NEDD4L: variants seen among roughly 807,000 people sequenced by gnomAD.
NEDD4L encodes NEDD4 like E3 ubiquitin protein ligase.
NEDD4L carries 54 observed loss-of-function variants against 148.9 expected under a neutral mutation model. The observed-to-expected ratio is 0.36, with a 90% CI of 0.29 to 0.45. The LOEUF (loss-of-function observed/expected upper bound fraction) is 0.45. Among genes scored for constraint, NEDD4L ranks in the 20% least tolerant of loss-of-function variants. NEDD4L has a pLI of 1.00. For missense variants in NEDD4L, 856 were observed against 1,233.8 expected (o/e 0.69, Z 4.59); for synonymous variants, 433 against 440.7 (o/e 0.98, Z 0.22).
chr18:58,221,497 CAACAAGCATTTCTTTCT>C, intron 2 of NEDD4L: 5 of 967,004 alleles, frequency 5.2e-6, no homozygotes, highest in Non-Finnish European at 6.1e-6. Flanking sequence ...CCTTTTCCAC[CAACAAGCATTTCTTTCT>C]ACCTGTCATT....
chr18:58,110,314 G>A (rs1369249930), intron 1 of NEDD4L, among the ~76,000 whole-genome samples: 1 of 152,198 alleles, frequency 6.6e-6, no homozygotes, highest in Admixed American at 6.5e-5. Context: ...TAAAGACTTG[G>A]CCCTGAAGAA....
chr18:58,114,201 G>C (rs148052628), intron 1 of NEDD4L, among the ~76,000 whole-genome samples: 1 of 152,100 alleles, frequency 6.6e-6, no homozygotes, highest in African/African-American at 2.4e-5. Context: ...ATTAGAAAAC[G>C]TGCTTTCACA....
At chr18:58,368,258 T>C (rs2046368869) in intron 22 of NEDD4L, among the ~76,000 whole-genome samples, 1 of 151,992 alleles carries the variant, frequency 6.6e-6, no homozygotes, top group Admixed American at 6.6e-5. Context: ...AAATTATTTT[T>C]TAATTTGAAG....
chr18:58,349,679 A>G, intron 17 of NEDD4L, 65 bp downstream of exon 17: 2 of 1,278,108 alleles, frequency 1.6e-6, no homozygotes, highest in Non-Finnish European at 2.3e-6. Flanking sequence ...CTCAATGTTG[A>G]TGGAGAGGCC....
chr18:58,316,131 G>A, intron 6 of NEDD4L, 99 bp downstream of exon 6: 1 of 984,170 alleles, frequency 1.0e-6, no homozygotes, highest in East Asian at 2.4e-5. Flanking sequence ...TCACCACGGT[G>A]AAGAAGGCTG....
intron 2 of NEDD4L, among the ~76,000 whole-genome samples, chr18:58,171,921 G>A (rs2037555037): frequency 6.6e-6 from 1 of 152,208 alleles, no homozygotes; most frequent in South Asian, 2.1e-4. Context: ...GAGATGGCAG[G>A]CAAGGAACAG....
chr18:58,307,146 C>T (rs907619324), intron 5 of NEDD4L, among the ~76,000 whole-genome samples: 1 of 152,064 alleles, frequency 6.6e-6, no homozygotes, highest in Non-Finnish European at 1.5e-5. Flanking sequence ...GGAAATGGCT[C>T]CCCGGGAGAG....
At chr18:58,377,009 C>T (rs1191896884) in intron 24 of NEDD4L, among the ~76,000 whole-genome samples, 2 of 152,252 alleles carry the variant, frequency 1.3e-5, no homozygotes, top group Non-Finnish European at 2.9e-5. Context: ...CCATGCCTGC[C>T]CTGTGGCATG....
chr18:58,371,274 C>T (rs926338748), intron 23 of NEDD4L, among the ~76,000 whole-genome samples: 5 of 140,886 alleles, frequency 3.5e-5, no homozygotes, highest in African/African-American at 1.1e-4. Context: ...AGGATGGTCT[C>T]GATCTCCTGA....
chr18:58,391,533 T>C lies in NEDD4L; in HGVS notation c.2799T>C (p.Pro933=). Residue 933 remains proline, a synonymous_variant, in exon 30 of 31, where the codon CCT becomes CCC. Transcript: ENST00000400345. ...TTACAATAGAGCAATGGGGCAGTCCTGAGAAACTGCCCAGAGCTCACACAT... is the reference window on the plus strand; with the variant it reads ...TTACAATAGAGCAATGGGGCAGTCCCGAGAAACTGCCCAGAGCTCACACAT... The part of the protein sequence containing the change: ...QLFTIEQWGS[P]EKLPRAHTCF... The C allele has an allele frequency of 6.3e-7, 1 of 1,581,206 alleles. No homozygotes were observed. Among genetic ancestry groups the C allele is most frequent in the Non-Finnish European group, 8.6e-7 (1 of 1,162,366 alleles).
intron 1 of NEDD4L, among the ~76,000 whole-genome samples, chr18:58,108,278 G>C (rs2085199840): frequency 6.6e-6 from 1 of 152,164 alleles, no homozygotes. Flanking sequence ...TCAGGGGAGA[G>C]ATCATTTGGG....
At chr18:58,144,539 C>T (rs140244487) in intron 1 of NEDD4L, among the ~76,000 whole-genome samples, 36 of 152,204 alleles carry the variant, frequency 2.4e-4, no homozygotes, top group African/African-American at 8.4e-4. Flanking sequence ...CACACTATGT[C>T]GTAGCCTTAA....
intron 2 of NEDD4L, among the ~76,000 whole-genome samples, chr18:58,217,918 T>G (rs2043319450): frequency 6.6e-6 from 1 of 152,344 alleles, no homozygotes; most frequent in Admixed American, 6.5e-5. Context: ...GTAATGTTAT[T>G]TTTAAAAACG....
At chr18:58,203,614 C>CT (rs11364816) in intron 2 of NEDD4L, among the ~76,000 whole-genome samples, 91 of 143,176 alleles carry the variant, frequency 6.4e-4, no homozygotes, top group Non-Finnish European at 6.8e-4. Flanking sequence ...AACAGATGAT[C>CT]TTTTTTTTTT....
In NEDD4L at chr18:58,058,669, A is replaced by G. The variant is rs377274014; in HGVS notation, c.48+13961A>G. Among the ~76,000 whole-genome samples, 16 of 152,214 alleles carry G rather than the reference A, an allele frequency of 1.1e-4. 2 individuals are homozygous for G. Among genetic ancestry groups the G allele is most frequent in the Admixed American group, 3.9e-4 (6 of 15,282 alleles). ...AGGCCTGGACAGGGGTCAGGGACCA[A>G]TGAAGCCTGGGCATCCAGAATCACA... is the stretch of plus-strand genomic sequence containing the variant. On this transcript the variant is annotated intron_variant, in intron 1 of 30. Coordinates refer to ENST00000400345, the MANE Select transcript of NEDD4L (RefSeq NM_001144967.3).
intron 1 of NEDD4L, among the ~76,000 whole-genome samples, chr18:58,126,101 C>T (rs546443216): frequency 1.3e-5 from 2 of 152,252 alleles, no homozygotes; most frequent in East Asian, 1.9e-4. Flanking sequence ...GGCCTGAACA[C>T]TCCAGCTGCA....
At chr18:58,223,036 CT>C (rs780248173) in intron 2 of NEDD4L, among the ~76,000 whole-genome samples, 9,707 of 135,626 alleles carry the variant, frequency 0.072, 783 homozygotes, top group African/African-American at 0.21. Context: ...GGGTGCTGAC[CT>C]TTTTTTTTTT....
At chr18:58,128,212 C>T (rs2053584694) in intron 1 of NEDD4L, among the ~76,000 whole-genome samples, 1 of 152,046 alleles carries the variant, frequency 6.6e-6, no homozygotes, top group Admixed American at 6.6e-5. Flanking sequence ...GCACCCGGCT[C>T]ATTTTTGTAT....
chr18:58,188,143 G>T (rs2039679796), intron 2 of NEDD4L, among the ~76,000 whole-genome samples: 1 of 152,206 alleles, frequency 6.6e-6, no homozygotes, highest in African/African-American at 2.4e-5. Flanking sequence ...GTCCAGCTGA[G>T]ACCAGGACCT....
Sources: gnomAD v4.1 joint callset for allele counts (sites outside exome capture counted in the v4.1 genomes callset) on GRCh38, gnomAD v4.1.1 for gene constraint, MANE v1.5 for transcripts, NCBI Gene and HGNC (gene_info 2026-07-23, HGNC 2026-07-21) for gene names.